The following PKD1L3 variants were observed in gnomAD, a reference collection of about 807,000 sequenced individuals.
PKD1L3 encodes the protein polycystin 1 like 3, transient receptor potential channel interacting, also known as polycystin-1-like protein 3.
PKD1L3 carries 239 observed loss-of-function variants against 184.1 expected under a neutral mutation model. That is an observed-to-expected ratio of 1.30 (90% CI 1.17 to 1.45). The LOEUF (loss-of-function observed/expected upper bound fraction) is 1.45, where lower values mean the gene tolerates loss of function less well. Among genes scored for constraint, PKD1L3 ranks in the 40% most tolerant of loss-of-function variants. The pLI is 0.00. For missense variants in PKD1L3, 2,660 were observed against 2,067.2 expected, an observed-to-expected ratio of 1.29 and a Z score of -5.56; for synonymous variants, 996 against 778.8, an observed-to-expected ratio of 1.28 and a Z score of -4.64.
At chr16:71,963,785 A>C (rs2039384949) in intron 15 of PKD1L3, among the ~76,000 whole-genome samples, 1 of 152,100 alleles carries the variant, frequency 6.6e-6, no homozygotes, top group African/African-American at 2.4e-5. Flanking sequence ...TCTGTCAAAA[A>C]AAACAAAAAG....
At chr16:71,980,223 AT>A in intron 7 of PKD1L3, 89 bp from the exon 8 acceptor site, 2 of 1,442,500 alleles carry the variant, frequency 1.4e-6, no homozygotes, top group Non-Finnish European at 1.9e-6. Flanking sequence ...TGGAAGGGGA[AT>A]TTTCACAGTG....
intron 23 of PKD1L3, 39 bp downstream of exon 23, chr16:71,943,991 G>T (rs2143252292): frequency 2.0e-6 from 3 of 1,521,590 alleles, no homozygotes; most frequent in South Asian, 2.5e-5. Flanking sequence ...TCTGGAAAAG[G>T]TGCTGTGTTA....
At chr16:71,945,301 T>TAC (rs1167346276) in intron 22 of PKD1L3, among the ~76,000 whole-genome samples, 9 of 55,688 alleles carry the variant, frequency 1.6e-4, no homozygotes, top group African/African-American at 6.7e-4. Flanking sequence ...TATATATATA[T>TAC]ATATACACAC....
At chr16:71,957,726 G>A (rs1377311291) in intron 16 of PKD1L3, among the ~76,000 whole-genome samples, 1 of 152,164 alleles carries the variant, frequency 6.6e-6, no homozygotes, top group Non-Finnish European at 1.5e-5. Context: ...GAACCCAGGA[G>A]GTTGCAGTGA....
At chr16:71,933,611 A>G (rs1043821010) in intron 27 of PKD1L3, 90 bp from the exon 28 acceptor site, 3 of 969,444 alleles carry the variant, frequency 3.1e-6, no homozygotes, top group Admixed American at 2.2e-5. Context: ...CATAGAAGCA[A>G]TGGAACAGAA....
chr16:71,975,721 T>C (rs1027158543), intron 11 of PKD1L3, among the ~76,000 whole-genome samples: 3 of 152,184 alleles, frequency 2.0e-5, no homozygotes, highest in Non-Finnish European at 4.4e-5. Context: ...CATATCCTTA[T>C]CCATCCTATA....
In PKD1L3 at chr16:71,933,515, G is replaced by A; in HGVS notation, c.4831C>T (p.Leu1611=). The A allele has an allele frequency of 6.5e-7, 1 of 1,550,090 alleles. No homozygotes were observed. The highest frequency in any genetic ancestry group is 2.4e-5 in the East Asian group (1 of 40,918). The part of the protein sequence containing the change: ...LLTGYAIAFN[L]LFGCSISDYR... ...TCAGAGATGCTGCATCCAAACAGCA[G>A]GTTAAACTGAACAGAAGGAGAAAGG... Residue 1611 remains leucine (L), a synonymous_variant, in exon 28 of 30, where the codon CTG becomes TTG. Transcript: ENST00000620267.
rs1288323469 is a variant in PKD1L3 at position 71,967,310 on chromosome 16, G to A, written c.2292C>T (p.Val764=). The A allele has an allele frequency of 1.0e-5, 16 of 1,550,204 alleles. No homozygotes were observed. The highest frequency in any genetic ancestry group is 4.1e-5 in the African/African-American group (3 of 72,992). Residue 764 remains valine (V), a synonymous_variant, in exon 15 of 30, where the codon GTC becomes GTT. Coordinates refer to ENST00000620267, the MANE Select transcript of PKD1L3 (RefSeq NM_181536.2). ...GTCCCTCTGATCCATAGAGGGTGAT[G>A]ACAACCTACAATGAGACAGGGAAAG... ...RRSAATTAKV[V]ITLYGSEGRS... is the part of the protein sequence containing the mutation.
chr16:71,964,723 C>A (rs571405715), intron 15 of PKD1L3, among the ~76,000 whole-genome samples: 1 of 152,032 alleles, frequency 6.6e-6, no homozygotes, highest in East Asian at 1.9e-4. Context: ...CTTCCAGTCA[C>A]CTCCTGCCCC....
intron 12 of PKD1L3, 100 bp downstream of exon 12, chr16:71,973,224 T>A: frequency 7.4e-7 from 1 of 1,349,110 alleles, no homozygotes; most frequent in Admixed American, 2.3e-5. Flanking sequence ...ACCACCTGAT[T>A]ATTTTTCTTT....
At chr16:71,949,705 G>C in intron 21 of PKD1L3, 78 bp downstream of exon 21, 1 of 1,285,524 alleles carries the variant, frequency 7.8e-7, no homozygotes, top group Non-Finnish European at 1.1e-6. Flanking sequence ...AAACCACTAG[G>C]CACCTTGGAT....
chr16:71,972,194 C>T (rs937907160), intron 12 of PKD1L3, among the ~76,000 whole-genome samples: 3 of 150,570 alleles, frequency 2.0e-5, no homozygotes, highest in Non-Finnish European at 3.0e-5. Context: ...CCAGCCTGGC[C>T]GATAGAGCAA....
chr16:71,993,478 C>G, intron 2 of PKD1L3, 146 bp from the exon 3 acceptor site: 1 of 585,284 alleles, frequency 1.7e-6, no homozygotes, highest in East Asian at 3.0e-5. Flanking sequence ...ACTAAGAATT[C>G]TGCAGTAGCC....
intron 22 of PKD1L3, among the ~76,000 whole-genome samples, chr16:71,947,211 C>T (rs942311974): frequency 2.6e-5 from 4 of 152,050 alleles, no homozygotes; most frequent in Non-Finnish European, 5.9e-5. Context: ...GAGCTGAGAA[C>T]ACATCATTGC....
Position 71,978,288 on chromosome 16 carries a change from CA to C in PKD1L3, c.1493del (p.Leu498CysfsTer7), listed in dbSNP as rs2040005461. 1.3e-6 allele frequency: 2 copies of C among 1,550,254 alleles called. No individual in the cohort carries two copies. Among genetic ancestry groups the C allele is most frequent in the East Asian group, 4.9e-5 (2 of 40,812 alleles). ...CCTCCATTAAATCATGGACTTGGAGCAATTTACGATTAGCGCTTAGTAACAC... is the reference window on the plus strand; with the variant it reads ...CCTCCATTAAATCATGGACTTGGAGCATTTACGATTAGCGCTTAGTAACAC... Reference protein sequence around the residue: ...GSVLLSANRKLLQVHDLMEDI... With the variant: ...GSVLLSANRKXLQVHDLMEDI... On this transcript the variant is annotated frameshift_variant, in exon 10 of 30. Transcript: ENST00000620267. LOFTEE classifies it high-confidence loss of function.
At chr16:71,954,853 A>T (rs1048876865) in intron 16 of PKD1L3, among the ~76,000 whole-genome samples, 11 of 152,226 alleles carry the variant, frequency 7.2e-5, no homozygotes, top group African/African-American at 2.7e-4. Flanking sequence ...ACCTGGAGGA[A>T]GGTAGTACAA....
intron 21 of PKD1L3, among the ~76,000 whole-genome samples, chr16:71,949,346 CTTT>C (rs543483265): frequency 3.3e-5 from 4 of 122,796 alleles, no homozygotes; most frequent in Admixed American, 2.5e-4. Context: ...TGTCAGTTTG[CTTT>C]TTTTTTTTTT....
In PKD1L3 at chr16:71,970,040, G is replaced by T. The variant is rs371541242; in HGVS notation, c.2019C>A (p.Ser673Arg). The change falls in exon 13 of 30, where the codon AGC (serine) becomes AGA (arginine). Residue 673 changes from serine (S) to arginine (R), a missense_variant. By Grantham distance (110) the Ser-to-Arg change is moderately radical (BLOSUM62 -1). Transcript: ENST00000620267. ...CGGTCCTGGGCACGACAAAGAAGTC[G>T]CTGGCAAAGAAGGTCAGGTGGTTAC... ...CLCNHLTFFASDFFVVPRTVN... is the reference protein window; with the variant it reads ...CLCNHLTFFARDFFVVPRTVN... 6 of 1,551,646 alleles carry T rather than the reference G, an allele frequency of 3.9e-6. No individual in the cohort carries two copies. Among genetic ancestry groups the T allele is most frequent in the South Asian group, 1.2e-5 (1 of 84,060 alleles).
intron 2 of PKD1L3, among the ~76,000 whole-genome samples, chr16:71,997,166 T>C (rs2040816144): frequency 6.6e-6 from 1 of 152,076 alleles, no homozygotes; most frequent in Non-Finnish European, 1.5e-5. Context: ...TTGTTTCCAG[T>C]TTTGTTCTGT....
Sources: gnomAD v4.1 joint callset for allele counts (sites outside exome capture counted in the v4.1 genomes callset) on GRCh38, gnomAD v4.1.1 for gene constraint, MANE v1.5 for transcripts, NCBI Gene and HGNC (gene_info 2026-07-23, HGNC 2026-07-21) for gene names.